The following ABCB7 variants were observed in gnomAD, a reference collection of about 807,000 sequenced individuals.
ABCB7 encodes ATP binding cassette subfamily B member 7.
Under a neutral mutation model 54.4 loss-of-function variants are expected in ABCB7, and 7 were observed. That is an observed-to-expected ratio of 0.13 (90% CI 0.07 to 0.24). ABCB7 has a LOEUF of 0.24. Ranked by LOEUF, ABCB7 falls within the 10% of genes least tolerant of loss-of-function variation. The pLI is 1.00. For synonymous variants in ABCB7, 218 were observed against 207.1 expected, an observed-to-expected ratio of 1.05 and a Z score of -0.45; for missense variants, 356 against 570.4, an observed-to-expected ratio of 0.62 and a Z score of 3.83.
chrX:75,062,871 C>T (rs1310242890), intron 13 of ABCB7, among the ~76,000 whole-genome samples: 1 of 111,383 alleles, frequency 9.0e-6, no homozygotes, highest in Non-Finnish European at 1.9e-5. Context: ...TAACTGAATT[C>T]GTCTCTTAAG....
chrX:75,076,434 T>C lies in ABCB7; in HGVS notation c.586+88A>G, dbSNP rs555228231. On this transcript the variant is annotated intron_variant, in intron 5 of 15. Transcript: ENST00000373394. ...AAACATCCAAAACGCTAAGTTGTGT[T>C]TGTAGTGAAAAGGTCATCTGCTCAA... The C allele has an allele frequency of 2.6e-4, 280 of 1,088,475 alleles. 1 individual carries two copies. The South Asian group carries it at 5.1e-3, about 20-fold the overall frequency. The allele number at this position is 1,088,475 out of a possible 1,213,427, so 89.7% of individuals were successfully genotyped here.
intron 1 of ABCB7, among the ~76,000 whole-genome samples, chrX:75,132,066 G>A (rs1024613128): frequency 2.7e-5 from 3 of 110,501 alleles, no homozygotes; most frequent in Admixed American, 1.9e-4. Flanking sequence ...TTGGGGCTGC[G>A]CGTAGCTTCC....
intron 10 of ABCB7, 110 bp from the exon 11 acceptor site, chrX:75,069,564 G>T: frequency 1.2e-6 from 1 of 836,731 alleles, no homozygotes; most frequent in East Asian, 3.2e-5. Context: ...AAAGAAGGAG[G>T]TTTATAAGTG....
intron 3 of ABCB7, among the ~76,000 whole-genome samples, chrX:75,103,333 T>A (rs891124019): frequency 9.0e-6 from 1 of 111,497 alleles, no homozygotes; most frequent in Non-Finnish European, 1.9e-5. Context: ...TTCTTCTATA[T>A]ACGGACTCCA....
Position 75,070,419 on chromosome X carries a change from T to A in ABCB7, c.1311A>T (p.Ala437=), listed in dbSNP as rs770161988. 2 of 1,210,047 alleles carry A rather than the reference T, an allele frequency of 1.7e-6. No homozygotes were observed. Among genetic ancestry groups the A allele is most frequent in the Non-Finnish European group, 2.2e-6 (2 of 894,315 alleles). The part of the protein sequence containing the change: ...LGTVYRETRQ[A]LIDMNTLFTL... The stretch of plus-strand genomic sequence containing the variant: ...TAAACAAGGTGTTCATATCTATGAG[T>A]GCTTGTCTAGTCTCTCTATATACAG... The change falls in exon 10 of 16, where the codon GCA becomes GCT. Residue 437 remains alanine, a synonymous_variant. Coordinates refer to ENST00000373394, the MANE Select transcript of ABCB7 (RefSeq NM_001271696.3).
intron 4 of ABCB7, among the ~76,000 whole-genome samples, chrX:75,091,761 A>G (rs1281942727): frequency 9.0e-6 from 1 of 111,368 alleles, no homozygotes; most frequent in African/African-American, 3.3e-5. Flanking sequence ...TACAAAAGTC[A>G]ACTACTTTCC....
rs2082173773 is a variant in ABCB7, at chrX:75,156,099, T to C, written c.168+6A>G. On this transcript the variant is annotated splice_donor_region_variant and intron_variant, in intron 1 of 15. Transcript: ENST00000373394. ...ACCCTATTCTTCCATGTCAGTGGCATCTCACCTGGTAGGCTCGAGCGGTTC... is the reference window on the plus strand; with the variant it reads ...ACCCTATTCTTCCATGTCAGTGGCACCTCACCTGGTAGGCTCGAGCGGTTC... The C allele has an allele frequency of 8.3e-7, 1 of 1,208,426 alleles. No individual in the cohort carries two copies. Among genetic ancestry groups the C allele is most frequent in the Admixed American group, 2.2e-5 (1 of 45,680 alleles).
chrX:75,135,226 G>A lies in ABCB7; in HGVS notation c.169-20395C>T, dbSNP rs935946501. On this transcript the variant is annotated intron_variant, in intron 1 of 15. Coordinates refer to ENST00000373394, the MANE Select transcript of ABCB7 (RefSeq NM_001271696.3). ...CTATGCACACGAACTAGAAAACCCA[G>A]AAGACATGGATAAATTCCTAGAAAC... Among the ~76,000 whole-genome samples the A allele has an allele frequency of 2.8e-5, 3 of 107,756 alleles. No homozygotes were observed. The Admixed American group carries it at 3.0e-4, about 11-fold the overall frequency. The allele number at this position is 107,756 out of a possible 115,157, so 93.6% of individuals were successfully genotyped here.
At chrX:75,085,810 A>G (rs1215741164) in intron 4 of ABCB7, among the ~76,000 whole-genome samples, 4 of 110,587 alleles carry the variant, frequency 3.6e-5, no homozygotes, top group African/African-American at 1.3e-4. Flanking sequence ...TCTGACTGCA[A>G]TGTGCACACT....
chrX:75,143,549 A>T (rs191854425), intron 1 of ABCB7, among the ~76,000 whole-genome samples: 56 of 110,783 alleles, frequency 5.1e-4, no homozygotes, highest in African/African-American at 1.6e-3. Flanking sequence ...GCAGTGCCCC[A>T]CTCTACCAGT....
At chrX:75,126,961 C>A (rs1770264266) in intron 1 of ABCB7, among the ~76,000 whole-genome samples, 1 of 111,403 alleles carries the variant, frequency 9.0e-6, no homozygotes, top group Non-Finnish European at 1.9e-5. Context: ...AGATTCACAG[C>A]TGAATTCTAC....
At chrX:75,080,900 G>A (rs907875085) in intron 4 of ABCB7, among the ~76,000 whole-genome samples, 2 of 111,170 alleles carry the variant, frequency 1.8e-5, no homozygotes. Flanking sequence ...TGGATATGTG[G>A]TTTGCAAATA....
intron 1 of ABCB7, among the ~76,000 whole-genome samples, chrX:75,134,317 A>G (rs1473909663): frequency 8.9e-6 from 1 of 111,998 alleles, no homozygotes; most frequent in African/African-American, 3.3e-5. Flanking sequence ...GAGCACCCAG[A>G]TTAATAAAAG....
At chrX:75,152,720 C>G (rs1242044555) in intron 1 of ABCB7, among the ~76,000 whole-genome samples, 1 of 108,260 alleles carries the variant, frequency 9.2e-6, no homozygotes, top group African/African-American at 3.4e-5. Flanking sequence ...AGTACAGTGG[C>G]GCGATCTCGG....
chrX:75,103,767 C>T (rs767623484), intron 3 of ABCB7, among the ~76,000 whole-genome samples: 4 of 110,270 alleles, frequency 3.6e-5, no homozygotes, highest in Non-Finnish European at 7.6e-5. Context: ...TTCTTCTTAG[C>T]GATTTCACCA....
chrX:75,111,907 T>C (rs2081763693), intron 3 of ABCB7, among the ~76,000 whole-genome samples: 1 of 112,044 alleles, frequency 8.9e-6, no homozygotes, highest in South Asian at 3.7e-4. Context: ...CTGGCAAATA[T>C]CATACCAAAG....
chrX:75,093,088 T>A (rs1325375690), intron 4 of ABCB7, among the ~76,000 whole-genome samples: 1 of 112,048 alleles, frequency 8.9e-6, no homozygotes, highest in Non-Finnish European at 1.9e-5. Flanking sequence ...GATGAAAACT[T>A]ATGGCCACAC....
chrX:75,143,826 CA>C (rs968764854), intron 1 of ABCB7, among the ~76,000 whole-genome samples: 1 of 110,759 alleles, frequency 9.0e-6, no homozygotes, highest in African/African-American at 3.3e-5. Flanking sequence ...GACTTGTCCC[CA>C]AAATTCAATC....
chrX:75,104,047 GTTTTTTTTTTTTTTTTTTT>G (rs757074347), intron 3 of ABCB7, among the ~76,000 whole-genome samples: 388 of 13,431 alleles, frequency 0.029, 5 homozygotes, highest in African/African-American at 0.055. Flanking sequence ...TCTTGTTACA[GTTTTTTTTTTTTTTTTTTT>G]TTTTTTTTTT....
Sources: gnomAD v4.1 joint callset for allele counts (sites outside exome capture counted in the v4.1 genomes callset) on GRCh38, gnomAD v4.1.1 for gene constraint, MANE v1.5 for transcripts, NCBI Gene and HGNC (gene_info 2026-07-23, HGNC 2026-07-21) for gene names.